The following CSPP1 variants were observed in gnomAD, a reference collection of about 807,000 sequenced individuals.
CSPP1 encodes centrosome and spindle pole associated protein 1.
A neutral mutation model predicts 164.4 loss-of-function variants in CSPP1; 126 were observed. That is an observed-to-expected ratio of 0.77 (90% CI 0.66 to 0.89). CSPP1 has a LOEUF of 0.89. CSPP1 is among the 40% of genes least tolerant of loss of function. The pLI is 0.00. For missense variants in CSPP1, 1,395 were observed against 1,449.8 expected (o/e 0.96, Z 0.61); for synonymous variants, 472 against 476.7 (o/e 0.99, Z 0.13).
At chr8:67,064,374 C>T (rs1563458646), upstream of CSPP1, 6 of 1,608,618 alleles carry the variant, frequency 3.7e-6, no homozygotes, top group South Asian at 1.1e-5. Context: ...GCCTGAGGGG[C>T]GGAGCCCCGG....
chr8:67,149,026 C>G (rs1318087435), intron 17 of CSPP1, among the ~76,000 whole-genome samples: 1 of 152,046 alleles, frequency 6.6e-6, no homozygotes, highest in Non-Finnish European at 1.5e-5. Flanking sequence ...TGTTGGAGTC[C>G]AAGATGTTGA....
At position 67,091,877 on chromosome 8, in the gene CSPP1, T is replaced by C. The variant is rs112929070; in HGVS notation, c.378T>C (p.Ser126=). The stretch of plus-strand genomic sequence containing the variant: ...CTCTTCCTATTGGTGAGAGGTTATC[T>C]GCTAAGGTAGGTGGATAGGAGTAGT... The part of the protein sequence containing the change: ...GVSLPIGERL[S]AKERLKLERN... Residue 126 remains serine, a synonymous_variant, in exon 5 of 31, where the codon TCT becomes TCC. Transcript: ENST00000678616. The C allele has an allele frequency of 1.5e-4, 200 of 1,330,484 alleles. 1 individual carries two copies. The African/African-American group carries it at 2.2e-3, about 15-fold the overall frequency. The allele number at this position is 1,330,484 out of a possible 1,614,324, so 82.4% of individuals were successfully genotyped here. A position where few individuals can be genotyped will look rare whatever the true frequency, so the allele number is the denominator to read the frequency against.
At chr8:67,124,453 C>G (rs1819654818) in intron 15 of CSPP1, among the ~76,000 whole-genome samples, 1 of 152,018 alleles carries the variant, frequency 6.6e-6, no homozygotes, top group African/African-American at 2.4e-5. Flanking sequence ...ATTTAAGTCT[C>G]TCAACACAGT....
chr8:67,072,963 T>TA (rs1170481495), intron 1 of CSPP1, among the ~76,000 whole-genome samples: 15 of 150,398 alleles, frequency 1.0e-4, no homozygotes, highest in Admixed American at 4.0e-4. Context: ...ATATGTATGG[T>TA]AAAAAAATAG....
intron 24 of CSPP1, among the ~76,000 whole-genome samples, chr8:67,172,199 T>C (rs1830608065): frequency 6.7e-6 from 1 of 148,598 alleles, no homozygotes; most frequent in Non-Finnish European, 1.5e-5. Flanking sequence ...TCTTGCTTTA[T>C]AGGCCAGGCT....
chr8:67,097,129 A>T (rs537427199), intron 7 of CSPP1, among the ~76,000 whole-genome samples: 1 of 152,196 alleles, frequency 6.6e-6, no homozygotes, highest in South Asian at 2.1e-4. Flanking sequence ...TCAGGGTCTC[A>T]TATTTGTCAT....
At chr8:67,151,211 T>C (rs758308874) in intron 18 of CSPP1, among the ~76,000 whole-genome samples, 2 of 152,226 alleles carry the variant, frequency 1.3e-5, no homozygotes, top group South Asian at 4.1e-4. Context: ...TTCTTTGTTC[T>C]ACAATATATT....
intron 4 of CSPP1, among the ~76,000 whole-genome samples, chr8:67,090,434 C>T (rs1443570863): frequency 6.6e-6 from 1 of 151,960 alleles, no homozygotes; most frequent in African/African-American, 2.4e-5. Context: ...TACAGGTGCG[C>T]GGCCCCAAGC....
intron 15 of CSPP1, among the ~76,000 whole-genome samples, chr8:67,124,773 C>A (rs764623802): frequency 6.6e-6 from 1 of 152,128 alleles, no homozygotes; most frequent in Non-Finnish European, 1.5e-5. Flanking sequence ...TGTCAAACTC[C>A]TGGATTTAAG....
Position 67,115,501 on chromosome 8 carries a change from G to A in CSPP1, c.1288-413G>A, listed in dbSNP as rs115651961. Among the ~76,000 whole-genome samples the A allele has an allele frequency of 8.2e-3, 1,254 of 152,122 alleles. 13 individuals carry two copies. The highest frequency in any genetic ancestry group is 0.029 in the African/African-American group (1,194 of 41,502). On this transcript the variant is annotated intron_variant, in intron 12 of 30. Coordinates refer to ENST00000678616, the MANE Select transcript of CSPP1 (RefSeq NM_001382391.1). ...TCAAGACCAGCCTTGCCAACGTGGC[G>A]AAACCCCCTTCTCTACAAAAATTAG...
At chr8:67,147,555 C>T (rs943034141) in intron 17 of CSPP1, among the ~76,000 whole-genome samples, 9 of 152,192 alleles carry the variant, frequency 5.9e-5, no homozygotes, top group South Asian at 2.1e-4. Flanking sequence ...TGTACCCCCG[C>T]GCCCCACCAC....
chr8:67,092,030 CA>C (rs1811717325), intron 5 of CSPP1, 147 bp downstream of exon 5: 3 of 244,508 alleles, frequency 1.2e-5, no homozygotes, highest in East Asian at 3.0e-4. Flanking sequence ...TCCGTGGAGT[CA>C]TATTTATGCT....
chr8:67,085,887 C>G, intron 3 of CSPP1, 120 bp from the exon 4 acceptor site: 1 of 616,790 alleles, frequency 1.6e-6, no homozygotes, highest in African/African-American at 1.8e-5. Context: ...AAAAACTTAC[C>G]CTAATCCTAC....
chr8:67,122,435 A>C (rs1819155593), intron 15 of CSPP1, among the ~76,000 whole-genome samples: 1 of 152,044 alleles, frequency 6.6e-6, no homozygotes, highest in South Asian at 2.1e-4. Context: ...TTGTCTTTTC[A>C]CTTTCATTGC....
intron 15 of CSPP1, among the ~76,000 whole-genome samples, chr8:67,130,272 CT>C (rs1166659587): frequency 6.6e-6 from 1 of 152,158 alleles, no homozygotes; most frequent in African/African-American, 2.4e-5. Context: ...CTTAAACCCC[CT>C]TTTTGGGGGA....
intron 19 of CSPP1, among the ~76,000 whole-genome samples, chr8:67,156,833 A>G (rs1039189689): frequency 6.6e-6 from 1 of 152,254 alleles, no homozygotes; most frequent in Non-Finnish European, 1.5e-5. Flanking sequence ...AGCTTTAAAA[A>G]TAGTTAACAA....
chr8:67,082,522 C>T (rs1012826137), intron 3 of CSPP1, among the ~76,000 whole-genome samples: 1 of 152,086 alleles, frequency 6.6e-6, no homozygotes, highest in East Asian at 1.9e-4. Context: ...GTCACATCTC[C>T]TTGTAAGTCA....
At chr8:67,157,125 A>C (rs1826815799) in intron 19 of CSPP1, among the ~76,000 whole-genome samples, 1 of 152,162 alleles carries the variant, frequency 6.6e-6, no homozygotes, top group Admixed American at 6.5e-5. Flanking sequence ...AATTTTGATG[A>C]ATTATAAATG....
rs766672873 is a variant in CSPP1 at position 67,113,876 on chromosome 8, G to GC, written c.1245+15dup. The GC allele has an allele frequency of 8.4e-5, 128 of 1,520,078 alleles. No individual in the cohort carries two copies. Among genetic ancestry groups the GC allele is most frequent in the Non-Finnish European group, 1.1e-4 (125 of 1,102,572 alleles). The allele number at this position is 1,520,078 out of a possible 1,614,324, so 94.2% of individuals were successfully genotyped here. A position where few individuals can be genotyped will look rare whatever the true frequency, so the allele number is the denominator to read the frequency against. ...CCTGAGAAATCGGTAAGGGTTTCTG[G>GC]CATCTTTTAATGTTTAATCTTTCAT... On this transcript the variant is annotated intron_variant, in intron 11 of 30. Transcript: ENST00000678616.
Sources: allele counts gnomAD v4.1 joint callset (sites outside exome capture counted in the v4.1 genomes callset), GRCh38; gene constraint gnomAD v4.1.1; transcripts MANE v1.5; gene names NCBI Gene and HGNC (gene_info 2026-07-23, HGNC 2026-07-21).